GART: variants seen among roughly 807,000 people sequenced by gnomAD.
GART encodes trifunctional purine biosynthetic protein adenosine-3.
Under a neutral mutation model 107.2 loss-of-function variants are expected in GART, and 43 were observed. The ratio of observed to expected loss-of-function variants is 0.40; its 90% CI spans 0.31 to 0.52. GART has a LOEUF of 0.52. Ranked by LOEUF, GART falls within the 20% of genes least tolerant of loss-of-function variation. The probability of loss-of-function intolerance (pLI) is 0.52; values close to 1 mark genes in which losing one functional copy is unlikely to be tolerated. For missense variants in GART, 1,107 were observed against 1,206.5 expected (o/e 0.92, Z 1.22); for synonymous variants, 434 against 427.0 (o/e 1.02, Z -0.20).
intron 10 of GART, among the ~76,000 whole-genome samples, chr21:33,525,350 A>T (rs2085052947): frequency 6.6e-6 from 1 of 152,210 alleles, no homozygotes; most frequent in Admixed American, 6.5e-5. Flanking sequence ...CTCCAAACCC[A>T]GCAACAGAGA....
At position 33,509,932 on chromosome 21, in the gene GART, A is replaced by G. The variant is rs772658184; in HGVS notation, c.2315-12T>C. 15 of 1,602,438 alleles carry G rather than the reference A, an allele frequency of 9.4e-6. No individual in the cohort carries two copies. Among genetic ancestry groups the G allele is most frequent in the African/African-American group, 8.1e-5 (6 of 74,358 alleles). On this transcript the variant is annotated splice_polypyrimidine_tract_variant and intron_variant, in intron 17 of 21. Transcript: ENST00000381815. The stretch of plus-strand genomic sequence containing the variant: ...CACACGTGGGGAACCTTCATTTCAA[A>G]CATATCCATAAATAAGTAAAGAACA...
chr21:33,517,697 C>T (rs953254450), intron 14 of GART, 89 bp from the exon 15 acceptor site: 2 of 1,300,702 alleles, frequency 1.5e-6, no homozygotes, highest in Non-Finnish European at 2.2e-6. Context: ...ACATGAACAA[C>T]TAACACATGG....
At chr21:33,506,525 G>C (rs547838679) in intron 18 of GART, among the ~76,000 whole-genome samples, 84 of 152,252 alleles carry the variant, frequency 5.5e-4, no homozygotes, top group African/African-American at 2.0e-3. Flanking sequence ...AAAGACTGGT[G>C]ATATGTGAGG....
At chr21:33,505,535 T>C in intron 20 of GART, 26 bp downstream of exon 20, 7 of 1,574,504 alleles carry the variant, frequency 4.4e-6, no homozygotes, top group Non-Finnish European at 6.0e-6. Flanking sequence ...GATTTCCCAA[T>C]GTGATGTCAA....
Position 33,531,577 on chromosome 21 carries a change from T to C in GART, c.529-20A>G. The C allele has an allele frequency of 6.4e-7, 1 of 1,574,100 alleles. No individual in the cohort carries two copies. Among genetic ancestry groups the C allele is most frequent in the Non-Finnish European group, 8.6e-7 (1 of 1,167,122 alleles). On this transcript the variant is annotated intron_variant, in intron 5 of 21. Coordinates refer to ENST00000381815, the MANE Select transcript of GART (RefSeq NM_000819.5). Reference sequence around the variant, plus strand: ...TTTCTCCTGATTGTAAGATTTTTTTTTTTTTTTTTTTTAAAAAAAGAGGCT... The same window carrying C: ...TTTCTCCTGATTGTAAGATTTTTTTCTTTTTTTTTTTTAAAAAAAGAGGCT...
At chr21:33,530,931 A>G in intron 6 of GART, 47 bp from the exon 7 acceptor site, 1 of 1,022,980 alleles carries the variant, frequency 9.8e-7, no homozygotes, top group Non-Finnish European at 1.3e-6. Flanking sequence ...GTCAAAAACT[A>G]AAAAAAAAAA....
chr21:33,522,407 A>G, intron 11 of GART, 125 bp from the exon 12 acceptor site: 1 of 701,206 alleles, frequency 1.4e-6, no homozygotes. Context: ...AAATTTTTTT[A>G]AAGTCAGTGC....
At chr21:33,525,026 G>T in intron 10 of GART, 26 bp from the exon 11 acceptor site, 1 of 1,597,680 alleles carries the variant, frequency 6.3e-7, no homozygotes. Context: ...TTTGACATAT[G>T]ATTTCAAATA....
chr21:33,518,797 C>T (rs966799791), intron 14 of GART: 9 of 496,274 alleles, frequency 1.8e-5, no homozygotes, highest in Admixed American at 8.9e-5. Flanking sequence ...GAGCTTCAGT[C>T]GGTCTCCTTA....
chr21:33,533,014 G>C (rs1339603425), intron 4 of GART, among the ~76,000 whole-genome samples: 1 of 152,032 alleles, frequency 6.6e-6, no homozygotes, highest in South Asian at 2.1e-4. Context: ...TGACACAACT[G>C]AAAGGAAAAC....
chr21:33,530,626 T>C (rs992350258), intron 7 of GART, 133 bp downstream of exon 7: 4 of 939,174 alleles, frequency 4.3e-6, no homozygotes, highest in East Asian at 3.3e-5. Flanking sequence ...ATACTCCTCA[T>C]TTAATTGCTG....
chr21:33,511,312 C>A lies in GART; in HGVS notation c.2254G>T (p.Asp752Tyr). Reference sequence around the variant, plus strand: ...GCTTCTTCCTTGTGCTGCTGGATATCCCTCAGAATCTGCTCTGTCTGCTCC... The same window carrying A: ...GCTTCTTCCTTGTGCTGCTGGATATACCTCAGAATCTGCTCTGTCTGCTCC... ...SKEQTEQILR[D>Y]IQQHKEEAWV... Residue 752 changes from aspartate (D) to tyrosine (Y), a missense_variant, in exon 17 of 22, where the codon GAT (aspartate) becomes TAT (tyrosine). Physicochemically the swap from Asp to Tyr is radical, Grantham distance 160 (BLOSUM62 -3). Transcript: ENST00000381815. The A allele has an allele frequency of 6.2e-7, 1 of 1,614,164 alleles. No homozygotes were observed. The highest frequency in any genetic ancestry group is 8.5e-7 in the Non-Finnish European group (1 of 1,180,024).
intron 1 of GART, among the ~76,000 whole-genome samples, chr21:33,541,120 T>G (rs2085407299): frequency 6.6e-6 from 1 of 152,224 alleles, no homozygotes; most frequent in Non-Finnish European, 1.5e-5. Context: ...GCCATGTGTA[T>G]CTGAAATAAA....
intron 4 of GART, among the ~76,000 whole-genome samples, chr21:33,533,633 T>C (rs2085241452): frequency 6.7e-6 from 1 of 149,918 alleles, no homozygotes; most frequent in Non-Finnish European, 1.5e-5. Context: ...GGCCTAGTGT[T>C]ACGGCTCATG....
In GART at chr21:33,530,747, T is replaced by C; in HGVS notation, c.723+12A>G. The stretch of plus-strand genomic sequence containing the variant: ...ACTACTACAAGACTTCAGCAGAGTC[T>C]TCGGGAAGTACCTGAGGGGCTGGAC... On this transcript the variant is annotated intron_variant, in intron 7 of 21. Coordinates refer to ENST00000381815, the MANE Select transcript of GART (RefSeq NM_000819.5). The C allele has an allele frequency of 6.9e-7, 1 of 1,442,818 alleles. No homozygotes were observed. Among genetic ancestry groups the C allele is most frequent in the Non-Finnish European group, 9.1e-7 (1 of 1,096,398 alleles). The allele number at this position is 1,442,818 out of a possible 1,614,324, so 89.4% of individuals were successfully genotyped here.
rs529225832 is a variant in GART, at chr21:33,506,100, C to T, written c.2457G>A (p.Ser819=). Residue 819 remains serine, a synonymous_variant, in exon 19 of 22, where the codon TCG becomes TCA. Transcript: ENST00000381815. ...RVAVLISGTG[S]NLQALIDSTR... ...TACTGTCTATAAGTGCTTGCAGGTT[C>T]GATCCTGAGAAGGGAGAAAAACAGC... The T allele has an allele frequency of 1.2e-4, 198 of 1,612,498 alleles. 1 individual carries two copies. The East Asian group carries it at 3.1e-3, about 25-fold the overall frequency.
At chr21:33,524,498 T>G (rs1165935749) in intron 11 of GART, 3 of 907,140 alleles carry the variant, frequency 3.3e-6, no homozygotes, top group Admixed American at 5.2e-5. Flanking sequence ...TTAAAAAAAT[T>G]AAAAATATAA....
chr21:33,524,966 C>G lies in GART; in HGVS notation c.1101G>C (p.Val367=), dbSNP rs1171379027. 1 of 1,614,192 alleles carries G rather than the reference C, an allele frequency of 6.2e-7. No homozygotes were observed. The highest frequency in any genetic ancestry group is 1.7e-5 in the Admixed American group (1 of 60,014). The change falls in exon 11 of 22, where the codon GTG becomes GTC. Residue 367 remains valine, a synonymous_variant. Transcript: ENST00000381815. ...FPEAQALGLE[V]FHAGTALKNG... Reference sequence around the variant, plus strand: ...TTTTGAGGGCAGTGCCTGCATGGAACACCTCCAGTCCTAGAGCTTGAGCCT... The same window carrying G: ...TTTTGAGGGCAGTGCCTGCATGGAAGACCTCCAGTCCTAGAGCTTGAGCCT...
intron 16 of GART, among the ~76,000 whole-genome samples, chr21:33,512,335 A>G (rs957580416): frequency 6.6e-5 from 10 of 151,596 alleles, no homozygotes; most frequent in Middle Eastern, 3.4e-3. Context: ...CTTATCACAA[A>G]TAATACAACA....
Sources: allele counts gnomAD v4.1 joint callset (sites outside exome capture counted in the v4.1 genomes callset), GRCh38; gene constraint gnomAD v4.1.1; transcripts MANE v1.5; gene names NCBI Gene and HGNC (gene_info 2026-07-23, HGNC 2026-07-21).